The following PHC2 variants were observed in gnomAD, a reference collection of about 807,000 sequenced individuals.
PHC2 encodes polyhomeotic-like protein 2.
In PHC2, 29 loss-of-function variants were observed where a neutral mutation model predicts 87.4. The observed-to-expected ratio is 0.33, with a 90% CI of 0.25 to 0.45. The LOEUF is 0.45. PHC2 is among the 20% of genes least tolerant of loss of function. The pLI, the probability that PHC2 is intolerant of heterozygous loss-of-function variation, is 1.00. For missense variants in PHC2, 857 were observed against 1,136.7 expected (o/e 0.75, Z 3.54); for synonymous variants, 438 against 461.7 (o/e 0.95, Z 0.66).
chr1:33,329,808 G>A (rs1241405942), intron 13 of PHC2, among the ~76,000 whole-genome samples: 2 of 152,210 alleles, frequency 1.3e-5, no homozygotes, highest in African/African-American at 2.4e-5. Context: ...GGCCCCAGAA[G>A]CCAAGGATGG....
In PHC2 at chr1:33,372,346, C is replaced by A. The variant is rs758291648; in HGVS notation, c.276G>T (p.Ala92=). The change falls in exon 3 of 15, where the codon GCG becomes GCT. Residue 92 remains alanine, a synonymous_variant. Transcript: ENST00000683057. ...QQQHLMLQTA[A]LQQQHLSSAQ... ...CGCTGCTGAGGTGCTGCTGCTGGAG[C>A]GCCGCGGTCTGCAGCATGAGGTGCT... is the stretch of plus-strand genomic sequence containing the variant. 1 of 1,603,744 alleles carries A rather than the reference C, an allele frequency of 6.2e-7. No homozygotes were observed. Among genetic ancestry groups the A allele is most frequent in the Non-Finnish European group, 8.5e-7 (1 of 1,174,014 alleles).
chr1:33,392,356 C>CT (rs776104275), intron 1 of PHC2, among the ~76,000 whole-genome samples: 25 of 152,140 alleles, frequency 1.6e-4, no homozygotes, highest in Non-Finnish European at 2.9e-4. Context: ...TTAAAGCATG[C>CT]TTTTTTTTTC....
At position 33,368,603 on chromosome 1, in the gene PHC2, G is replaced by T; in HGVS notation, c.596C>A (p.Ala199Asp). The stretch of plus-strand genomic sequence containing the variant: ...CTCAGGCTGCACAGTAGCGACGGTG[G>T]CCGTGGGCGTGAAGATGAGCTGAGG... ...RAQMLIFTPT[A>D]TVATVQPELG... Residue 199 changes from alanine (A) to aspartate (D), a missense_variant, in exon 6 of 15, where the codon GCC (alanine) becomes GAC (aspartate). By Grantham distance (126) the Ala-to-Asp change is moderately radical (BLOSUM62 -2). Coordinates refer to ENST00000683057, the MANE Select transcript of PHC2 (RefSeq NM_001385109.1). This position sits in a 1 kb window ranked among gnomAD's most constrained non-coding sequence, Gnocchi z 6.6. 1 of 1,551,158 alleles carries T rather than the reference G, an allele frequency of 6.4e-7. No homozygotes were observed.
chr1:33,397,828 G>A (rs1423727907), intron 1 of PHC2, among the ~76,000 whole-genome samples: 1 of 152,104 alleles, frequency 6.6e-6, no homozygotes, highest in Non-Finnish European at 1.5e-5. Context: ...GATGACCTCT[G>A]CAAATGCTTG....
In PHC2 at chr1:33,387,051, T is replaced by A. The variant is rs117295068; in HGVS notation, c.-54-11458A>T. Among the ~76,000 whole-genome samples, 116 of 152,356 alleles carry A rather than the reference T, an allele frequency of 7.6e-4. 1 individual carries two copies. In the East Asian group the frequency reaches 0.019, roughly 25 times the overall value. ...ACAGGGATCATGGGAAGTGGCTAAT[T>A]ATCAGGCTTTCAGAATAAAGTTCAA... On this transcript the variant is annotated intron_variant, in intron 1 of 14. Transcript: ENST00000683057.
intron 1 of PHC2, among the ~76,000 whole-genome samples, chr1:33,392,499 C>T (rs1183798569): frequency 6.6e-6 from 1 of 152,178 alleles, no homozygotes; most frequent in Non-Finnish European, 1.5e-5. Context: ...TAGAGTCATT[C>T]CCACATATTA....
chr1:33,333,033 G>A (rs1646537793), intron 10 of PHC2, among the ~76,000 whole-genome samples: 1 of 152,124 alleles, frequency 6.6e-6, no homozygotes, highest in Non-Finnish European at 1.5e-5. Flanking sequence ...CGACTCTAGG[G>A]CAATGCTGGG....
At chr1:33,372,510 A>G in intron 2 of PHC2, 63 bp from the exon 3 acceptor site, 1 of 1,402,110 alleles carries the variant, frequency 7.1e-7, no homozygotes, top group South Asian at 1.6e-5. Flanking sequence ...CCCCTTTGGC[A>G]GTAATGCCTT....
chr1:33,371,393 C>A (rs967781677), intron 3 of PHC2, among the ~76,000 whole-genome samples: 1 of 152,200 alleles, frequency 6.6e-6, no homozygotes, highest in Non-Finnish European at 1.5e-5. Flanking sequence ...CTCCACTCCA[C>A]CACTATCACA....
chr1:33,351,951 C>CAAAAAAAAAAAAAAAAAAA (rs10718909), intron 9 of PHC2, among the ~76,000 whole-genome samples: 1 of 87,448 alleles, frequency 1.1e-5, no homozygotes, highest in Non-Finnish European at 2.1e-5. Context: ...GAATGCATCT[C>CAAAAAAAAAAAAAAAAAAA]AAAAAAAAAA....
In PHC2 at chr1:33,367,143, C is replaced by T. The variant is rs1647501810; in HGVS notation, c.949G>A (p.Val317Met). Residue 317 changes from valine (V) to methionine (M), a missense_variant, in exon 7 of 15, where the codon GTG becomes ATG. Physicochemically the swap from Val to Met is conservative, Grantham distance 21. This residue lies in a region of PHC2 where 832 missense variants were observed against 1,081.8 expected (regional missense o/e 0.77). Coordinates refer to ENST00000683057, the MANE Select transcript of PHC2 (RefSeq NM_001385109.1). ...GGTGCAATGAGGGGGTGGGCAGCCACAGCAGGAACCGTCCGGCTGAGCCCA... is the reference window on the plus strand; with the variant it reads ...GGTGCAATGAGGGGGTGGGCAGCCATAGCAGGAACCGTCCGGCTGAGCCCA... ...RAGLSRTVPA[V>M]AAHPLIAPAY... The T allele has an allele frequency of 6.2e-6, 10 of 1,611,702 alleles. No individual in the cohort carries two copies. Among genetic ancestry groups the T allele is most frequent in the Non-Finnish European group, 8.5e-6 (10 of 1,178,440 alleles).
chr1:33,388,424 A>C (rs1486905228), intron 1 of PHC2, among the ~76,000 whole-genome samples: 1 of 151,634 alleles, frequency 6.6e-6, no homozygotes, highest in Non-Finnish European at 1.5e-5. Flanking sequence ...CCCAGGTTCA[A>C]GCGATTCTCC....
chr1:33,347,617 T>G, intron 9 of PHC2: 7 of 985,378 alleles, frequency 7.1e-6, no homozygotes, highest in Admixed American at 6.1e-5. Context: ...GTTGGACAAC[T>G]GAGAAACCGA....
chr1:33,332,532 A>C lies in PHC2; in HGVS notation c.1762-128T>G. 1 of 1,110,890 alleles carries C rather than the reference A, an allele frequency of 9.0e-7. No homozygotes were observed. The highest frequency in any genetic ancestry group is 1.3e-6 in the Non-Finnish European group (1 of 755,732). The allele number at this position is 1,110,890 out of a possible 1,614,324, so 68.8% of individuals were successfully genotyped here. ...GCCAGCCCTCCTCAAACCTTCCCCC[A>C]TGTCATCATCCAAGTGTGCTGGGCT... On this transcript the variant is annotated intron_variant, in intron 10 of 14. Coordinates refer to ENST00000683057, the MANE Select transcript of PHC2 (RefSeq NM_001385109.1). This position sits in a 1 kb window ranked among gnomAD's most constrained non-coding sequence, Gnocchi z 4.2.
intron 9 of PHC2, among the ~76,000 whole-genome samples, chr1:33,352,792 G>A (rs1646997689): frequency 6.6e-6 from 1 of 152,188 alleles, no homozygotes. Context: ...TCCTGATGAA[G>A]GAAGGTGAGC....
At chr1:33,345,522 G>A (rs565287945) in intron 9 of PHC2, 144 of 984,216 alleles carry the variant, frequency 1.5e-4, no homozygotes, top group Non-Finnish European at 1.6e-4. Context: ...AAAAAACCTT[G>A]AAGTTTTCTA....
intron 10 of PHC2, chr1:33,333,505 C>T (rs1294407293): frequency 2.5e-5 from 4 of 158,034 alleles, no homozygotes; most frequent in South Asian, 1.8e-4. Context: ...AACCCATCTT[C>T]GTGGCTCGTG....
At chr1:33,401,718 G>A (rs1649540944) in intron 1 of PHC2, among the ~76,000 whole-genome samples, 2 of 152,176 alleles carry the variant, frequency 1.3e-5, no homozygotes. Context: ...ACACATTTAT[G>A]AACACTTGCT....
At chr1:33,348,079 A>C (rs10914686) in intron 9 of PHC2, among the ~76,000 whole-genome samples, 26,255 of 152,274 alleles carry the variant, frequency 0.17, 2,799 homozygotes, top group South Asian at 0.27. Context: ...TGTTAAATCT[A>C]ACTGAATGAA....
Sources: allele counts gnomAD v4.1 joint callset (sites outside exome capture counted in the v4.1 genomes callset), GRCh38; gene constraint gnomAD v4.1.1; regional missense constraint gnomAD v4.1.1; non-coding constraint Gnocchi (gnomAD v3.1); transcripts MANE v1.5; gene names NCBI Gene and HGNC (gene_info 2026-07-23, HGNC 2026-07-21).